Variants in NUP205 observed in about 807,000 individuals in gnomAD.
The protein encoded by NUP205 is nucleoporin 205.
A neutral mutation model predicts 253.8 loss-of-function variants in NUP205; 76 were observed. The observed-to-expected ratio is 0.30, with a 90% CI of 0.25 to 0.36. NUP205 has a LOEUF of 0.36. Ranked by LOEUF, NUP205 falls within the 10% of genes least tolerant of loss-of-function variation. NUP205 has a pLI of 1.00. For missense variants in NUP205, 2,162 were observed against 2,425.5 expected (o/e 0.89, Z 2.28); for synonymous variants, 832 against 850.1 (o/e 0.98, Z 0.37).
intron 15 of NUP205, chr7:135,598,762 C>T (rs12540430): frequency 0.034 from 5,184 of 152,882 alleles, 118 homozygotes; most frequent in Middle Eastern, 0.1. Context: ...AATATTACCA[C>T]GTGGCAGGTA....
At chr7:135,592,415 C>T (rs1806653319) in intron 11 of NUP205, among the ~76,000 whole-genome samples, 1 of 152,262 alleles carries the variant, frequency 6.6e-6, no homozygotes, top group Admixed American at 6.5e-5. Flanking sequence ...AGGTAACCGA[C>T]ATCCAAAGTA....
At chr7:135,558,370 A>G (rs910169031) in intron 1 of NUP205, among the ~76,000 whole-genome samples, 2 of 152,210 alleles carry the variant, frequency 1.3e-5, no homozygotes, top group Non-Finnish European at 2.9e-5. Context: ...GCAGAGGCTG[A>G]AAGTAGGCGT....
intron 2 of NUP205, among the ~76,000 whole-genome samples, chr7:135,571,809 C>G (rs1402310787): frequency 1.3e-5 from 2 of 152,132 alleles, no homozygotes; most frequent in South Asian, 4.1e-4. Context: ...CAAGTAAACT[C>G]TTAATGTACG....
rs1327150800 is a variant in NUP205, at chr7:135,557,983, C to T, written c.28+11C>T. On this transcript the variant is annotated intron_variant, in intron 1 of 42. Transcript: ENST00000285968. ...TGGCGGTAAATTCGGGTAAGTGTGGCCAGACAGAAAGACGATTGAGCTGAG... is the reference window on the plus strand; with the variant it reads ...TGGCGGTAAATTCGGGTAAGTGTGGTCAGACAGAAAGACGATTGAGCTGAG... 6.2e-7 allele frequency: 1 copy of T among 1,609,508 alleles called. No homozygotes were observed. Among genetic ancestry groups the T allele is most frequent in the Admixed American group, 1.7e-5 (1 of 60,006 alleles).
intron 3 of NUP205, among the ~76,000 whole-genome samples, 188 bp downstream of exon 3, chr7:135,574,013 C>T (rs538672992): frequency 1.1e-3 from 172 of 151,922 alleles, no homozygotes; most frequent in African/African-American, 3.6e-3. Flanking sequence ...CGCTCTGTTG[C>T]CCAGGCTGGA....
At chr7:135,599,885 C>G (rs6467601) in intron 15 of NUP205, among the ~76,000 whole-genome samples, 150,409 of 152,342 alleles carry the variant, frequency 0.99, 74,276 homozygotes, top group Middle Eastern at 1. Context: ...TAAATAACAG[C>G]GTGTTAGAGG....
At chr7:135,605,074 G>C (rs190842297) in intron 19 of NUP205, among the ~76,000 whole-genome samples, 164 of 147,792 alleles carry the variant, frequency 1.1e-3, no homozygotes, top group African/African-American at 4.0e-3. Context: ...TTCTTCTTTT[G>C]AGACAGGAAC....
Position 135,630,432 on chromosome 7 carries a change from C to T in NUP205, c.5021C>T (p.Ala1674Val). The part of the protein sequence containing the change: ...DVSAGSLQEL[A>V]LLTGIISKAA... ...AGTGCTGGGTCTTTGCAGGAATTGG[C>T]TCTGCTGACAGGAATTATAAGTAAA... The change falls in exon 35 of 43, where the codon GCT becomes GTT. Residue 1674 changes from alanine (A) to valine (V), a missense_variant. Around this residue, in one of 5 missense-constraint regions of NUP205, gnomAD observed 1,144 missense variants for 1,280.9 expected, o/e 0.89. Transcript: ENST00000285968. 2 of 1,610,330 alleles carry T rather than the reference C, an allele frequency of 1.2e-6. No homozygotes were observed. Among genetic ancestry groups the T allele is most frequent in the East Asian group, 2.2e-5 (1 of 44,718 alleles).
Position 135,643,283 on chromosome 7 carries a change from C to G in NUP205, c.5484C>G (p.Ser1828Arg). 6.2e-7 allele frequency: 1 copy of G among 1,614,054 alleles called. No individual in the cohort carries two copies. The highest frequency in any genetic ancestry group is 1.3e-5 in the African/African-American group (1 of 75,030). ...AACAGAGTGCTAATGATTTCTTCAG[C>G]TATTATGACAGTCATCGACAGAGTG... ...LLKQSANDFF[S>R]YYDSHRQSVS... is the part of the protein sequence containing the mutation. Residue 1828 changes from serine to arginine, a missense_variant, in exon 39 of 43, where the codon AGC becomes AGG. Ser to Arg is a moderately radical substitution (Grantham distance 110). This residue lies in a region of NUP205 where 1,144 missense variants were observed against 1,280.9 expected (regional missense o/e 0.89). Coordinates refer to ENST00000285968, the MANE Select transcript of NUP205 (RefSeq NM_015135.3).
In NUP205 at chr7:135,594,853, C is replaced by T. The variant is rs546979125; in HGVS notation, c.2013+124C>T. The T allele has an allele frequency of 2.0e-5, 14 of 712,866 alleles. 1 individual carries two copies. Among genetic ancestry groups the T allele is most frequent in the South Asian group, 1.0e-4 (5 of 49,562 alleles). The allele number at this position is 712,866 out of a possible 1,614,324, so 44.2% of individuals were successfully genotyped here. On this transcript the variant is annotated intron_variant, in intron 13 of 42. Coordinates refer to ENST00000285968, the MANE Select transcript of NUP205 (RefSeq NM_015135.3). ...ATCATGAACATCCCAACTAGAGTTA[C>T]GGTTTAGGGACTGAGCATAGCAATA...
intron 39 of NUP205, among the ~76,000 whole-genome samples, chr7:135,643,642 GA>G (rs1794954661): frequency 6.6e-6 from 1 of 151,170 alleles, no homozygotes; most frequent in African/African-American, 2.4e-5. Context: ...TCTGTTCTGA[GA>G]AAGGCTTCTG....
rs1403008320 is a variant in NUP205 at position 135,625,173 on chromosome 7, C to T, written c.4489C>T (p.Leu1497=). 10 of 1,611,934 alleles carry T rather than the reference C, an allele frequency of 6.2e-6. No homozygotes were observed. Among genetic ancestry groups the T allele is most frequent in the South Asian group, 1.1e-5 (1 of 90,518 alleles). Reference sequence around the variant, plus strand: ...TTTATTCTTCCTTCAGATGCTGGCCCTGGCTCTACTTGATAGAATTGTCTC... The same window carrying T: ...TTTATTCTTCCTTCAGATGCTGGCCTTGGCTCTACTTGATAGAATTGTCTC... ...DGHEIGRMLA[L]ALLDRIVSVD... Residue 1497 remains leucine (L), a synonymous_variant, in exon 32 of 43, where the codon CTG becomes TTG. Coordinates refer to ENST00000285968, the MANE Select transcript of NUP205 (RefSeq NM_015135.3).
Position 135,648,404 on chromosome 7 carries a change from C to T in NUP205, c.5887C>T (p.Leu1963Phe), listed in dbSNP as rs775803641. The T allele has an allele frequency of 6.3e-7, 1 of 1,579,356 alleles. No homozygotes were observed. The highest frequency in any genetic ancestry group is 8.6e-7 in the Non-Finnish European group (1 of 1,167,826). The change falls in exon 43 of 43, where the codon CTT becomes TTT. Residue 1963 changes from leucine to phenylalanine, a missense_variant and splice_region_variant. Transcript: ENST00000285968. The stretch of plus-strand genomic sequence containing the variant: ...AAAATGTCTTTTGTGTCACCGCTAG[C>T]TTCAGGCTGATGCAATCAACGCTTT... The part of the protein sequence containing the change: ...AIVSQHDLDQ[L>F]QADAINAFGE...
intron 15 of NUP205, 31 bp from the exon 16 acceptor site, chr7:135,600,839 T>C (rs1793951126): frequency 7.3e-7 from 1 of 1,362,348 alleles, no homozygotes; most frequent in Non-Finnish European, 1.0e-6. Flanking sequence ...GTCTGTTTTA[T>C]TGTTATTGAC....
chr7:135,602,639 CAAT>C (rs1793989193), intron 17 of NUP205, among the ~76,000 whole-genome samples, 163 bp from the exon 18 acceptor site: 1 of 152,156 alleles, frequency 6.6e-6, no homozygotes, highest in South Asian at 2.1e-4. Flanking sequence ...AATTTTGAAA[CAAT>C]GAGAGCATAA....
At chr7:135,578,721 C>T (rs372096216) in intron 6 of NUP205, 30 bp from the exon 7 acceptor site, 104 of 1,512,290 alleles carry the variant, frequency 6.9e-5, no homozygotes, top group East Asian at 1.6e-4. Flanking sequence ...ATCTGGTGAT[C>T]GGTAAAGTGG....
intron 36 of NUP205, among the ~76,000 whole-genome samples, chr7:135,637,321 C>T (rs1005425362): frequency 3.9e-5 from 6 of 152,208 alleles, no homozygotes; most frequent in African/African-American, 1.2e-4. Context: ...TGAAAGCCAT[C>T]GGCTAACCTC....
chr7:135,618,955 A>G (rs1317766663), intron 28 of NUP205, among the ~76,000 whole-genome samples: 1 of 152,138 alleles, frequency 6.6e-6, no homozygotes, highest in Non-Finnish European at 1.5e-5. Context: ...ACCTAGCATC[A>G]TGTTTAAATT....
intron 10 of NUP205, 35 bp downstream of exon 10, chr7:135,588,027 T>C (rs1806521362): frequency 1.3e-6 from 2 of 1,570,458 alleles, no homozygotes; most frequent in Non-Finnish European, 1.7e-6. Flanking sequence ...TATACTCTGG[T>C]ACTGTGATAG....
Sources: allele counts gnomAD v4.1 joint callset (sites outside exome capture counted in the v4.1 genomes callset), GRCh38; gene constraint gnomAD v4.1.1; regional missense constraint gnomAD v4.1.1; transcripts MANE v1.5; gene names NCBI Gene and HGNC (gene_info 2026-07-23, HGNC 2026-07-21).